PCSK6: variants seen among roughly 807,000 people sequenced by gnomAD.
PCSK6 encodes proprotein convertase subtilisin/kexin type 6.
In PCSK6, 85 loss-of-function variants were observed where a neutral mutation model predicts 123.3. The observed-to-expected ratio is 0.69, with a 90% confidence interval of 0.58 to 0.83. The LOEUF is 0.83. Among genes scored for constraint, PCSK6 ranks in the 40% least tolerant of loss-of-function variants. The pLI is 0.00. For missense variants in PCSK6, 1,191 were observed against 1,282.3 expected, an observed-to-expected ratio of 0.93 and a Z score of 1.09; for synonymous variants, 508 against 516.0, an observed-to-expected ratio of 0.98 and a Z score of 0.21.
In PCSK6 at chr15:101,393,255, A is replaced by C; in HGVS notation, c.1166T>G (p.Leu389Arg). Reference sequence around the variant, plus strand: ...GGCCCCACTGCTGTAGGTGGTGGCCAGGGTGGAGGCACACTCTTCCAGGTA... The same window carrying C: ...GGCCCCACTGCTGTAGGTGGTGGCCCGGGTGGAGGCACACTCTTCCAGGTA... ...PWYLEECAST[L>R]ATTYSSGAFY... Residue 389 changes from leucine (L) to arginine (R), a missense_variant, in exon 8 of 22, where the codon CTG becomes CGG. Coordinates refer to ENST00000611716, the MANE Select transcript of PCSK6 (RefSeq NM_002570.5). 6.2e-7 allele frequency: 1 copy of C among 1,613,716 alleles called. No individual in the cohort carries two copies. The highest frequency in any genetic ancestry group is 8.5e-7 in the Non-Finnish European group (1 of 1,179,948).
At chr15:101,437,888 G>A (rs2056647018) in intron 2 of PCSK6, among the ~76,000 whole-genome samples, 1 of 152,110 alleles carries the variant, frequency 6.6e-6, no homozygotes, top group Non-Finnish European at 1.5e-5. Context: ...TCTTAACCCG[G>A]GGTAGCTCAG....
At chr15:101,397,985 C>T (rs1344643194) in intron 7 of PCSK6, among the ~76,000 whole-genome samples, 3 of 152,344 alleles carry the variant, frequency 2.0e-5, no homozygotes, top group South Asian at 2.1e-4. Context: ...GCACATACCC[C>T]GCGATGAATG....
chr15:101,469,994 C>A (rs944359223), intron 1 of PCSK6, among the ~76,000 whole-genome samples: 1 of 152,172 alleles, frequency 6.6e-6, no homozygotes, highest in Non-Finnish European at 1.5e-5. Context: ...ACAACACGCG[C>A]TGAGTGCTCA....
chr15:101,374,404 C>T (rs2041675551), intron 11 of PCSK6, among the ~76,000 whole-genome samples: 1 of 152,210 alleles, frequency 6.6e-6, no homozygotes, highest in Non-Finnish European at 1.5e-5. Flanking sequence ...CTCAAGCTCT[C>T]CACTTTTCCT....
At chr15:101,460,270 G>C (rs1368119526) in intron 1 of PCSK6, among the ~76,000 whole-genome samples, 2 of 152,092 alleles carry the variant, frequency 1.3e-5, no homozygotes, top group African/African-American at 2.4e-5. Context: ...CAGGGCCTCT[G>C]GTCCCTGCCC....
intron 6 of PCSK6, among the ~76,000 whole-genome samples, chr15:101,414,047 T>C (rs2055799163): frequency 6.6e-6 from 1 of 152,166 alleles, no homozygotes; most frequent in Non-Finnish European, 1.5e-5. Context: ...GCTATATTAA[T>C]ATCAGATAAA....
rs2042478249 is a variant in PCSK6 at position 101,398,342 on chromosome 15, G to C, written c.996+62C>G. The C allele has an allele frequency of 6.5e-7, 1 of 1,532,900 alleles. No homozygotes were observed. The highest frequency in any genetic ancestry group is 1.8e-5 in the Admixed American group (1 of 54,126). The allele number at this position is 1,532,900 out of a possible 1,614,324, so 95.0% of individuals were successfully genotyped here. A position where few individuals can be genotyped will look rare whatever the true frequency, so the allele number is the denominator to read the frequency against. On this transcript the variant is annotated intron_variant, in intron 7 of 21. Coordinates refer to ENST00000611716, the MANE Select transcript of PCSK6 (RefSeq NM_002570.5). The surrounding 1 kb of genome is among the most constrained non-coding windows in gnomAD (Gnocchi z 4.6). ...TGTGGCCAGTGTCACTCTGATACTT[G>C]TTAAAATGTTTACTGTCACCCTTGT...
chr15:101,370,452 C>G lies in PCSK6; in HGVS notation c.1604G>C (p.Arg535Pro). 6 of 1,550,938 alleles carry G rather than the reference C, an allele frequency of 3.9e-6. No individual in the cohort carries two copies. The highest frequency in any genetic ancestry group is 5.2e-6 in the Non-Finnish European group (6 of 1,146,498). The change falls in exon 12 of 22, where the codon CGG (arginine) becomes CCG (proline). Residue 535 changes from arginine (R) to proline (P), a missense_variant. By Grantham distance (103) the Arg-to-Pro change is moderately radical. Coordinates refer to ENST00000611716, the MANE Select transcript of PCSK6 (RefSeq NM_002570.5). Reference sequence around the variant, plus strand: ...CACCACGTGCTCCAAGTAGACCACCCGCTGGTCCGAGTGCTCCGCGCAGGC... The same window carrying G: ...CACCACGTGCTCCAAGTAGACCACCGGCTGGTCCGAGTGCTCCGCGCAGGC... ...TSACAEHSDQRVVYLEHVVVR... is the reference protein window; with the variant it reads ...TSACAEHSDQPVVYLEHVVVR...
intron 13 of PCSK6, chr15:101,347,027 T>C: frequency 4.1e-6 from 5 of 1,231,774 alleles, no homozygotes; most frequent in Non-Finnish European, 5.1e-6. Flanking sequence ...GGGTTAAAAA[T>C]GGAACTTTTT....
At chr15:101,442,898 T>A (rs2056793091) in intron 2 of PCSK6, among the ~76,000 whole-genome samples, 1 of 152,180 alleles carries the variant, frequency 6.6e-6, no homozygotes, top group South Asian at 2.1e-4. Flanking sequence ...CGGGCCCTGC[T>A]ATGGACAGAG....
At chr15:101,320,536 A>G (rs1359965330) in intron 18 of PCSK6, among the ~76,000 whole-genome samples, 1 of 152,186 alleles carries the variant, frequency 6.6e-6, no homozygotes, top group African/African-American at 2.4e-5. Flanking sequence ...CCTATCTCTT[A>G]CACCTGCATT....
intron 1 of PCSK6, among the ~76,000 whole-genome samples, chr15:101,450,063 A>G (rs559274759): frequency 6.6e-6 from 1 of 152,168 alleles, no homozygotes; most frequent in African/African-American, 2.4e-5. Context: ...TCTCCTCCTG[A>G]GGCGTTCCTT....
At chr15:101,434,566 G>T (rs1163582561) in intron 2 of PCSK6, among the ~76,000 whole-genome samples, 3 of 152,364 alleles carry the variant, frequency 2.0e-5, no homozygotes, top group Admixed American at 1.3e-4. Flanking sequence ...AGTTCTGAGG[G>T]GGACTGTGAT....
intron 6 of PCSK6, among the ~76,000 whole-genome samples, chr15:101,408,825 C>T (rs908970867): frequency 6.6e-6 from 1 of 152,150 alleles, no homozygotes; most frequent in Non-Finnish European, 1.5e-5. Flanking sequence ...TCAGAATTAA[C>T]ATAATTAACC....
chr15:101,370,380 T>A lies in PCSK6; in HGVS notation c.1676A>T (p.Tyr559Phe). The change falls in exon 12 of 22, where the codon TAC (tyrosine) becomes TTC (phenylalanine). Residue 559 changes from tyrosine to phenylalanine, a missense_variant. Tyr to Phe is a conservative substitution (Grantham distance 22, BLOSUM62 3). Coordinates refer to ENST00000611716, the MANE Select transcript of PCSK6 (RefSeq NM_002570.5). Reference protein sequence around the residue: ...SHPRRGDLQIYLVSPSGTKSQ... With the variant: ...SHPRRGDLQIFLVSPSGTKSQ... ...CTTGGTTCCCGAGGGAGAAACCAGGTAGATCTGGAGGTCTCCTCGGCGTGG... is the reference window on the plus strand; with the variant it reads ...CTTGGTTCCCGAGGGAGAAACCAGGAAGATCTGGAGGTCTCCTCGGCGTGG... 6.4e-7 allele frequency: 1 copy of A among 1,554,514 alleles called. No individual in the cohort carries two copies. The highest frequency in any genetic ancestry group is 1.4e-5 in the African/African-American group (1 of 73,360).
chr15:101,327,598 G>A (rs2040285463), intron 15 of PCSK6, among the ~76,000 whole-genome samples: 1 of 152,208 alleles, frequency 6.6e-6, no homozygotes, highest in Non-Finnish European at 1.5e-5. Context: ...GATGGGGAGT[G>A]AGCTCAAGAG....
At chr15:101,403,762 C>T (rs1259539841) in intron 6 of PCSK6, among the ~76,000 whole-genome samples, 1 of 152,042 alleles carries the variant, frequency 6.6e-6, no homozygotes, top group Non-Finnish European at 1.5e-5. Context: ...CTCTGTTGCC[C>T]AGGTTGGAGG....
At chr15:101,465,158 C>G (rs988216493) in intron 1 of PCSK6, among the ~76,000 whole-genome samples, 16 of 152,208 alleles carry the variant, frequency 1.1e-4, no homozygotes, top group Admixed American at 6.5e-4. Context: ...AAGGGCCCTG[C>G]GAGGGGCAAT....
Position 101,412,712 on chromosome 15 carries a change from T to TATATATATATATATATAA in PCSK6, c.824-14137_824-14136insTTATATATATATATATAT, listed in dbSNP as rs376981204. The stretch of plus-strand genomic sequence containing the variant: ...AAAATTATATATATATATATATATA[T>TATATATATATATATATAA]AAAATTACCCAATCTGAACAACATA... On this transcript the variant is annotated intron_variant, in intron 6 of 21. Transcript: ENST00000611716. 4.3e-3 allele frequency among the ~76,000 whole-genome samples: 591 copies of TATATATATATATATATAA among 136,218 alleles called. 3 individuals are homozygous for TATATATATATATATATAA. The highest frequency in any genetic ancestry group is 6.2e-3 in the Non-Finnish European group (407 of 65,160). 89.4% of individuals were successfully genotyped at this position (136,218 alleles called of 152,430 possible). A position where few individuals can be genotyped will look rare whatever the true frequency, so the allele number is the denominator to read the frequency against.
Sources: gnomAD v4.1 joint callset for allele counts (sites outside exome capture counted in the v4.1 genomes callset) on GRCh38, gnomAD v4.1.1 for gene constraint, Gnocchi (gnomAD v3.1) non-coding constraint, MANE v1.5 for transcripts, NCBI Gene and HGNC (gene_info 2026-07-23, HGNC 2026-07-21) for gene names.